Variants in POT1 observed in about 807,000 individuals in gnomAD.
POT1 encodes protection of telomeres 1, also known as protection of telomeres protein 1.
A neutral mutation model predicts 78.5 loss-of-function variants in POT1; 47 were observed. The ratio of observed to expected loss-of-function variants is 0.60; its 90% CI spans 0.47 to 0.76. The LOEUF is 0.76. POT1 is among the 30% of genes least tolerant of loss of function. POT1 has a pLI of 0.00. For missense variants in POT1, 646 were observed against 749.9 expected, an observed-to-expected ratio of 0.86 and a Z score of 1.62; for synonymous variants, 259 against 260.7, an observed-to-expected ratio of 0.99 and a Z score of 0.06.
chr7:124,907,697 T>C (rs1183196432), intron 3 of POT1, among the ~76,000 whole-genome samples: 1 of 152,104 alleles, frequency 6.6e-6, no homozygotes, highest in Non-Finnish European at 1.5e-5. Flanking sequence ...GTTCACCAAC[T>C]GTAATACCAC....
At chr7:124,918,254 T>C (rs1193167871) in intron 2 of POT1, among the ~76,000 whole-genome samples, 1 of 152,150 alleles carries the variant, frequency 6.6e-6, no homozygotes, top group Non-Finnish European at 1.5e-5. Context: ...GGGACTAAAC[T>C]AGGGGCCTTA....
At chr7:124,892,614 T>C in intron 5 of POT1, 1 of 281,016 alleles carries the variant, frequency 3.6e-6, no homozygotes, top group Non-Finnish European at 6.6e-6. Flanking sequence ...GCATAACCTA[T>C]AATCTAATTA....
In POT1 at chr7:124,853,974, A is replaced by T. The variant is rs531065559; in HGVS notation, c.703-836T>A. ...GAAGCAAAAGGAGTTACAAACAAGGAAATTTAATTCATTTGTATAAATATA... is the reference window on the plus strand; with the variant it reads ...GAAGCAAAAGGAGTTACAAACAAGGTAATTTAATTCATTTGTATAAATATA... On this transcript the variant is annotated intron_variant, in intron 9 of 18. Transcript: ENST00000357628. 2.0e-5 allele frequency among the ~76,000 whole-genome samples: 3 copies of T among 152,194 alleles called. No individual in the cohort carries two copies. The South Asian group carries it at 6.2e-4, about 32-fold the overall frequency.
intron 11 of POT1, among the ~76,000 whole-genome samples, chr7:124,850,650 G>A (rs965183081): frequency 2.0e-5 from 3 of 151,952 alleles, no homozygotes; most frequent in African/African-American, 7.2e-5. Context: ...AGAATGCCCT[G>A]AACCCGGGAG....
chr7:124,827,620 A>G (rs1167995435), intron 16 of POT1, among the ~76,000 whole-genome samples: 1 of 152,204 alleles, frequency 6.6e-6, no homozygotes, highest in Non-Finnish European at 1.5e-5. Context: ...AACTCCACAG[A>G]TACTCAACCT....
chr7:124,899,015 CTTAATT>C (rs1233643422), intron 3 of POT1, among the ~76,000 whole-genome samples: 1 of 152,132 alleles, frequency 6.6e-6, no homozygotes, highest in East Asian at 1.9e-4. Context: ...GTCTTACTCC[CTTAATT>C]TTAACAACGA....
In POT1 at chr7:124,867,916, G is replaced by C. The variant is rs532997553; in HGVS notation, c.255+2995C>G. ...CCACCTAGCCCTCCCAAAGTGCTGGGATTATAGGCGTGAGCCACCACTTTA... is the reference window on the plus strand; with the variant it reads ...CCACCTAGCCCTCCCAAAGTGCTGGCATTATAGGCGTGAGCCACCACTTTA... On this transcript the variant is annotated intron_variant, in intron 7 of 18. Coordinates refer to ENST00000357628, the MANE Select transcript of POT1 (RefSeq NM_015450.3). 2.7e-4 allele frequency among the ~76,000 whole-genome samples: 41 copies of C among 152,182 alleles called. 1 individual carries two copies. Among genetic ancestry groups the C allele is most frequent in the African/African-American group, 9.2e-4 (38 of 41,530 alleles).
At chr7:124,851,191 C>G (rs1226088752) in intron 11 of POT1, among the ~76,000 whole-genome samples, 1 of 152,100 alleles carries the variant, frequency 6.6e-6, no homozygotes, top group Non-Finnish European at 1.5e-5. Flanking sequence ...GTCCTTGCTA[C>G]TCAGGAGGCT....
intron 6 of POT1, among the ~76,000 whole-genome samples, chr7:124,877,778 A>G (rs946947186): frequency 3.5e-4 from 49 of 141,114 alleles, no homozygotes; most frequent in Admixed American, 5.3e-4. Context: ...GCTTGCAGTG[A>G]GCTGAGATGG....
chr7:124,904,337 C>A (rs184464548), intron 3 of POT1, among the ~76,000 whole-genome samples: 108 of 152,228 alleles, frequency 7.1e-4, no homozygotes, highest in African/African-American at 2.5e-3. Context: ...AAGGCTGGTT[C>A]AACATACACA....
intron 6 of POT1, among the ~76,000 whole-genome samples, chr7:124,883,517 C>T (rs537895016): frequency 5.6e-4 from 85 of 151,764 alleles, no homozygotes; most frequent in Non-Finnish European, 2.7e-4. Context: ...ATGAGTGAAC[C>T]GAAATACAAA....
chr7:124,901,036 A>AGGCC (rs1796606866), intron 3 of POT1, among the ~76,000 whole-genome samples: 2 of 152,262 alleles, frequency 1.3e-5, no homozygotes, highest in Non-Finnish European at 2.9e-5. Context: ...CAGCTCAAGG[A>AGGCC]GGCCTGCCTG....
chr7:124,860,445 A>G (rs1473976210), intron 8 of POT1, among the ~76,000 whole-genome samples: 3 of 152,028 alleles, frequency 2.0e-5, no homozygotes, highest in African/African-American at 7.2e-5. Context: ...CTGTATTCTC[A>G]TTTTTTATAC....
chr7:124,921,999 G>C (rs746665975), intron 2 of POT1, among the ~76,000 whole-genome samples: 36 of 151,894 alleles, frequency 2.4e-4, no homozygotes, highest in Non-Finnish European at 4.4e-4. Context: ...GCACATGCCA[G>C]TCCAACTGCT....
At chr7:124,835,192 C>G in intron 15 of POT1, 87 bp downstream of exon 15, 1 of 1,490,576 alleles carries the variant, frequency 6.7e-7, no homozygotes, top group South Asian at 1.2e-5. Flanking sequence ...TGTATACCTA[C>G]GTAACAAACC....
At chr7:124,909,306 T>C (rs1369507315) in intron 3 of POT1, among the ~76,000 whole-genome samples, 2 of 151,900 alleles carry the variant, frequency 1.3e-5, no homozygotes, top group Non-Finnish European at 2.9e-5. Flanking sequence ...ATATATCACA[T>C]TAGTCTACCA....
intron 3 of POT1, among the ~76,000 whole-genome samples, chr7:124,906,565 C>T (rs1201997917): frequency 6.6e-6 from 1 of 151,872 alleles, no homozygotes; most frequent in East Asian, 1.9e-4. Context: ...GTGCAGCACA[C>T]CAACGTGGCA....
intron 2 of POT1, among the ~76,000 whole-genome samples, chr7:124,924,945 T>C (rs760452535): frequency 4.0e-5 from 6 of 151,718 alleles, no homozygotes; most frequent in Non-Finnish European, 5.9e-5. Flanking sequence ...ACAAACTAGA[T>C]AGAGAAGGAA....
rs35361862 is a variant in POT1 at position 124,853,094 on chromosome 7, T to C, written c.747A>G (p.Gln249=). The change falls in exon 10 of 19, where the codon CAA becomes CAG. Residue 249 remains glutamine, a synonymous_variant. Transcript: ENST00000357628. ...TTGTCTGATTCTCTGAATTCATTGA[T>C]TGAAGTTTGGTATGAAGGCTATAGA... is the stretch of plus-strand genomic sequence containing the variant. ...LRIYSLHTKL[Q]SMNSENQTML... is the part of the protein sequence containing the mutation. 4.5e-5 allele frequency: 72 copies of C among 1,607,832 alleles called. No individual in the cohort carries two copies. Among genetic ancestry groups the C allele is most frequent in the Non-Finnish European group, 4.9e-5 (57 of 1,174,594 alleles).
Sources: allele counts gnomAD v4.1 joint callset (sites outside exome capture counted in the v4.1 genomes callset), GRCh38; gene constraint gnomAD v4.1.1; transcripts MANE v1.5; gene names NCBI Gene and HGNC (gene_info 2026-07-23, HGNC 2026-07-21).